POLD1: variants seen among roughly 807,000 people sequenced by gnomAD.
POLD1 encodes the protein DNA polymerase delta 1, catalytic subunit, also known as DNA polymerase delta catalytic subunit.
POLD1 carries 79 observed loss-of-function variants against 129.7 expected under a neutral mutation model. That is an observed-to-expected ratio of 0.61 (90% CI 0.51 to 0.73). POLD1 has a LOEUF of 0.73. POLD1 is among the 30% of genes least tolerant of loss of function. POLD1 has a pLI of 0.00. For synonymous variants in POLD1, 714 were observed against 683.3 expected, an observed-to-expected ratio of 1.04 and a Z score of -0.70; for missense variants, 1,338 against 1,595.8, an observed-to-expected ratio of 0.84 and a Z score of 2.75.
At chr19:50,408,748 T>A in intron 14 of POLD1, 37 bp from the exon 15 acceptor site, 1 of 1,610,168 alleles carries the variant, frequency 6.2e-7, no homozygotes, top group Non-Finnish European at 8.5e-7. Context: ...TGGGAACTCC[T>A]AGCCCTGACT....
At chr19:50,403,722 T>C in intron 10 of POLD1, 125 bp downstream of exon 10, 1 of 714,446 alleles carries the variant, frequency 1.4e-6, no homozygotes. Context: ...CTCAGCCGAT[T>C]GCCTGCAGGG....
rs750421876 is a variant in POLD1, at chr19:50,414,985, C to T, written c.2559C>T (p.Ile853=). Residue 853 remains isoleucine, a synonymous_variant, in exon 20 of 27, where the codon ATC becomes ATT. Transcript: ENST00000440232. ...LVTASLRRLL[I]DRDPEGAVAH... is the part of the protein sequence containing the mutation. ...CTGCCTCACTGCGCCGCCTGCTCAT[C>T]GACCGGTGTGTGGGGCCTCCTCCCT... is the stretch of plus-strand genomic sequence containing the variant. 2.5e-6 allele frequency: 4 copies of T among 1,577,534 alleles called. No individual in the cohort carries two copies. In the Admixed American group the frequency reaches 5.4e-5, roughly 21 times the overall value.
intron 1 of POLD1, among the ~76,000 whole-genome samples, chr19:50,397,225 C>A (rs573781091): frequency 4.6e-5 from 7 of 151,826 alleles, no homozygotes; most frequent in Admixed American, 1.3e-4. Flanking sequence ...ATGGTGAAAC[C>A]CCGTCTCTAC....
rs1460248390 is a variant in POLD1, at chr19:50,396,418, C to CGTTGTATATCTTGTCAAAGAT, written c.-1-2433_-1-2432insGTTGTATATCTTGTCAAAGAT. 7.8e-3 allele frequency among the ~76,000 whole-genome samples: 1,188 copies of CGTTGTATATCTTGTCAAAGAT among 151,494 alleles called. 12 individuals are homozygous for CGTTGTATATCTTGTCAAAGAT. Among genetic ancestry groups the CGTTGTATATCTTGTCAAAGAT allele is most frequent in the African/African-American group, 0.028 (1,138 of 41,174 alleles). On this transcript the variant is annotated intron_variant, in intron 1 of 26. Coordinates refer to ENST00000440232, the MANE Select transcript of POLD1 (RefSeq NM_002691.4). ...CAACTTTTATATTGTATATCTTGTA[C>CGTTGTATATCTTGTCAAAGAT]ATTGTATATCTTGTCAAGGATATTG...
chr19:50,409,799 C>G lies in POLD1; in HGVS notation c.2154+133C>G. The G allele has an allele frequency of 1.0e-6, 1 of 974,338 alleles. No homozygotes were observed. Among genetic ancestry groups the G allele is most frequent in the Non-Finnish European group, 1.5e-6 (1 of 657,282 alleles). 60.4% of individuals were successfully genotyped at this position (974,338 alleles called of 1,614,324 possible). ...TCACTGGCCTTCTAGAGAGAGGATG[C>G]CAATGTGGCTTGAGCAATTGGTCCA... On this transcript the variant is annotated intron_variant, in intron 17 of 26. Transcript: ENST00000440232. The surrounding 1 kb of genome is among the most constrained non-coding windows in gnomAD (Gnocchi z 5.8).
rs376581180 is a variant in POLD1, at chr19:50,417,033, G to T, written c.3068-12G>T. On this transcript the variant is annotated splice_polypyrimidine_tract_variant and intron_variant, in intron 24 of 26. Coordinates refer to ENST00000440232, the MANE Select transcript of POLD1 (RefSeq NM_002691.4). ...TGGGCCCCAGCACTTGGGCTGACCC[G>T]CCTCCCCACAGGAGCCGTGTGTGAG... The T allele has an allele frequency of 7.7e-6, 12 of 1,548,498 alleles. No individual in the cohort carries two copies. Among genetic ancestry groups the T allele is most frequent in the Non-Finnish European group, 1.0e-5 (12 of 1,146,104 alleles).
At position 50,409,378 on chromosome 19, in the gene POLD1, C is replaced by A; in HGVS notation, c.2007-141C>A. 1 of 1,315,930 alleles carries A rather than the reference C, an allele frequency of 7.6e-7. No individual in the cohort carries two copies. The highest frequency in any genetic ancestry group is 1.1e-6 in the Non-Finnish European group (1 of 932,764). 81.5% of individuals were successfully genotyped at this position (1,315,930 alleles called of 1,614,324 possible). ...ATTAGCACAAGGCATCCCCTCCTGG[C>A]AGCTTCCTTTTGCCCCCTTGGCCAG... On this transcript the variant is annotated intron_variant, in intron 16 of 26. Coordinates refer to ENST00000440232, the MANE Select transcript of POLD1 (RefSeq NM_002691.4). This position sits in a 1 kb window ranked among gnomAD's most constrained non-coding sequence, Gnocchi z 5.8.
intron 15 of POLD1, 59 bp downstream of exon 15, chr19:50,408,960 G>T (rs1210097071): frequency 2.2e-5 from 33 of 1,518,202 alleles, no homozygotes; most frequent in Non-Finnish European, 1.8e-6. Flanking sequence ...CCCTTGGGGG[G>T]CTCAGTCTGG....
intron 9 of POLD1, 70 bp downstream of exon 9, chr19:50,403,289 C>A: frequency 7.0e-7 from 1 of 1,433,820 alleles, no homozygotes; most frequent in Non-Finnish European, 9.4e-7. Flanking sequence ...GAGCCATCAG[C>A]TCCTGGGTGC....
intron 8 of POLD1, 58 bp from the exon 9 acceptor site, chr19:50,402,995 C>G: frequency 6.5e-7 from 1 of 1,539,058 alleles, no homozygotes; most frequent in Admixed American, 2.0e-5. Context: ...GTGCAGCCTC[C>G]CTGCTGTGTT....
chr19:50,387,615 C>T (rs1407247227), intron 1 of POLD1: 8 of 152,738 alleles, frequency 5.2e-5, no homozygotes, highest in Non-Finnish European at 1.5e-5. Flanking sequence ...CAGCCACAGC[C>T]AACTGACCAA....
At position 50,402,098 on chromosome 19, in the gene POLD1, T is replaced by C. The variant is rs768494581; in HGVS notation, c.563T>C (p.Leu188Pro). Residue 188 changes from leucine to proline, a missense_variant, in exon 5 of 27, where the codon CTG (leucine) becomes CCG (proline). Transcript: ENST00000440232. ...AGGGAGCTGACTGGGCCGGCCGTGCTGGCTGTGGAACTGTGCTCCCGAGAG... is the reference window on the plus strand; with the variant it reads ...AGGGAGCTGACTGGGCCGGCCGTGCCGGCTGTGGAACTGTGCTCCCGAGAG... ...GGRELTGPAV[L>P]AVELCSRESM... 8.7e-6 allele frequency: 14 copies of C among 1,613,570 alleles called. No homozygotes were observed. Among genetic ancestry groups the C allele is most frequent in the Non-Finnish European group, 1.7e-6 (2 of 1,179,786 alleles).
intron 17 of POLD1, 75 bp from the exon 18 acceptor site, chr19:50,413,351 A>G (rs1005113397): frequency 8.3e-6 from 10 of 1,207,380 alleles, no homozygotes; most frequent in Admixed American, 4.0e-5. Flanking sequence ...CAGAGGCGGG[A>G]CCCCTCCCCC....
intron 1 of POLD1, among the ~76,000 whole-genome samples, chr19:50,390,572 A>ATT (rs563258123): frequency 3.7e-5 from 5 of 136,134 alleles, no homozygotes; most frequent in East Asian, 2.1e-4. Flanking sequence ...CTTGAGAACT[A>ATT]TTTTTTTTTT....
chr19:50,406,101 G>T lies in POLD1; in HGVS notation c.1243-81G>T. On this transcript the variant is annotated intron_variant, in intron 10 of 26. Transcript: ENST00000440232. This position sits in a 1 kb window ranked among gnomAD's most constrained non-coding sequence, Gnocchi z 5.5. ...CCCCTAGGGTTGTTATAAGGATGTT[G>T]TGGTTGGTCTCAATCTCCGTTCTTC... 6.6e-7 allele frequency: 1 copy of T among 1,523,552 alleles called. No individual in the cohort carries two copies. The allele number at this position is 1,523,552 out of a possible 1,614,324, so 94.4% of individuals were successfully genotyped here.
rs549820323 is a variant in POLD1, at chr19:50,400,211, A to ATTTTTTTTTTTTTTTTTTTT, written c.316+734_316+753dup. On this transcript the variant is annotated intron_variant, in intron 3 of 26. Transcript: ENST00000440232. The stretch of plus-strand genomic sequence containing the variant: ...CAGGCTGGAGTGCACCTGGCCAATA[A>ATTTTTTTTTTTTTTTTTTTT]TTTTTTTTTTTTTTTTTTTTTTTTT... Among the ~76,000 whole-genome samples, 9 of 67,808 alleles carry ATTTTTTTTTTTTTTTTTTTT rather than the reference A, an allele frequency of 1.3e-4. 2 individuals are homozygous for ATTTTTTTTTTTTTTTTTTTT. The highest frequency in any genetic ancestry group is 6.1e-4 in the African/African-American group (9 of 14,640). 44.5% of individuals were successfully genotyped at this position (67,808 alleles called of 152,430 possible). A position where few individuals can be genotyped will look rare whatever the true frequency, so the allele number is the denominator to read the frequency against.
rs55944341 is a variant in POLD1 at position 50,404,865 on chromosome 19, A to T, written c.1242+1268A>T. ...CGCCTCCCAGGGGGCGCTGGGGTGT[A>T]GAAGTGATTCTCCTGCCTCAGCCTC... On this transcript the variant is annotated intron_variant, in intron 10 of 26. Transcript: ENST00000440232. Among the ~76,000 whole-genome samples the T allele has an allele frequency of 8.1e-5, 10 of 123,132 alleles. No homozygotes were observed. In the South Asian group the frequency reaches 2.1e-3, roughly 26 times the overall value. 80.8% of individuals were successfully genotyped at this position (123,132 alleles called of 152,430 possible).
rs1555790406 is a variant in POLD1, at chr19:50,403,113, G to C, written c.1031G>C (p.Trp344Ser). 6.4e-7 allele frequency: 1 copy of C among 1,563,774 alleles called. No homozygotes were observed. The highest frequency in any genetic ancestry group is 8.7e-7 in the Non-Finnish European group (1 of 1,153,594). ...CAGATCTGCTCGCTGGGCCTGCGCT[G>C]GGGGGAGCCGGAGCCCTTCCTACGC... ...VIQICSLGLR[W>S]GEPEPFLRLA... is the part of the protein sequence containing the mutation. Residue 344 changes from tryptophan (W) to serine (S), a missense_variant, in exon 9 of 27, where the codon TGG (tryptophan) becomes TCG (serine). Trp to Ser is a radical substitution (Grantham distance 177). This residue lies in a region of POLD1 where 720 missense variants were observed against 1,002.6 expected (regional missense o/e 0.72). Transcript: ENST00000440232.
At chr19:50,390,800 A>G (rs960957128) in intron 1 of POLD1, among the ~76,000 whole-genome samples, 1 of 152,132 alleles carries the variant, frequency 6.6e-6, no homozygotes, top group African/African-American at 2.4e-5. Context: ...GCTGCCTTCA[A>G]GCATCTGTTT....
Sources: allele counts gnomAD v4.1 joint callset (sites outside exome capture counted in the v4.1 genomes callset), GRCh38; gene constraint gnomAD v4.1.1; regional missense constraint gnomAD v4.1.1; non-coding constraint Gnocchi (gnomAD v3.1); transcripts MANE v1.5; gene names NCBI Gene and HGNC (gene_info 2026-07-23, HGNC 2026-07-21).